USP10: variants seen among roughly 807,000 people sequenced by gnomAD.
The protein encoded by USP10 is ubiquitin carboxyl-terminal hydrolase 10.
Under a neutral mutation model 84.5 loss-of-function variants are expected in USP10, and 22 were observed. That is an observed-to-expected ratio of 0.26 (90% CI 0.19 to 0.37). The LOEUF (loss-of-function observed/expected upper bound fraction) is 0.37, where lower values mean the gene tolerates loss of function less well. Among genes scored for constraint, USP10 ranks in the 10% least tolerant of loss-of-function variants. USP10 has a pLI of 1.00. For missense variants in USP10, 1,019 were observed against 998.9 expected, an observed-to-expected ratio of 1.02 and a Z score of -0.27; for synonymous variants, 454 against 387.6, an observed-to-expected ratio of 1.17 and a Z score of -2.01.
intron 4 of USP10, among the ~76,000 whole-genome samples, chr16:84,757,402 G>GT (rs1555546471): frequency 0.02 from 1,636 of 82,770 alleles, 18 homozygotes; most frequent in South Asian, 0.079. Flanking sequence ...GAGGGGTGGG[G>GT]GTGTGTGTGT....
chr16:84,777,462 A>C (rs571578874), intron 13 of USP10, among the ~76,000 whole-genome samples: 41 of 152,322 alleles, frequency 2.7e-4, no homozygotes, highest in African/African-American at 9.1e-4. Context: ...TGCTGCTGTC[A>C]TGGGTGCTTC....
At position 84,757,399 on chromosome 16, in the gene USP10, GGGGGTGTGTGTGTGTGTGTGTGT is replaced by G. The variant is rs1912692959; in HGVS notation, c.1193-1315_1193-1293del. Among the ~76,000 whole-genome samples the G allele has an allele frequency of 4.3e-5, 3 of 70,436 alleles. 1 individual carries two copies. The highest frequency in any genetic ancestry group is 2.4e-4 in the Admixed American group (2 of 8,248). The allele number at this position is 70,436 out of a possible 152,430, so 46.2% of individuals were successfully genotyped here. A position where few individuals can be genotyped will look rare whatever the true frequency, so the allele number is the denominator to read the frequency against. On this transcript the variant is annotated intron_variant, in intron 4 of 13. Transcript: ENST00000219473. ...ATAGGAAGGAGGGAATGAGAGGGGT[GGGGGTGTGTGTGTGTGTGTGTGT>G]GTGTGTGTGTGTGTGTGTGTGTGTT...
Position 84,768,282 on chromosome 16 carries a change from G to A in USP10, c.1922G>A (p.Arg641His), listed in dbSNP as rs926340608. ...TTGGATATCCAGTCAGACAAGATACGCACAGTCCAGGATGCACTGGAGAGC... is the reference window on the plus strand; with the variant it reads ...TTGGATATCCAGTCAGACAAGATACACACAGTCCAGGATGCACTGGAGAGC... ...LQLDIQSDKIRTVQDALESLV... is the reference protein window; with the variant it reads ...LQLDIQSDKIHTVQDALESLV... Residue 641 changes from arginine (R) to histidine (H), a missense_variant, in exon 11 of 14, where the codon CGC (arginine) becomes CAC (histidine). By Grantham distance (29) the Arg-to-His change is conservative. Transcript: ENST00000219473. 4 of 1,608,014 alleles carry A rather than the reference G, an allele frequency of 2.5e-6. No homozygotes were observed. The highest frequency in any genetic ancestry group is 1.7e-5 in the Admixed American group (1 of 59,098).
chr16:84,733,295 G>T, intron 1 of USP10, 140 bp from the exon 2 acceptor site: 1 of 653,970 alleles, frequency 1.5e-6, no homozygotes, highest in South Asian at 1.9e-5. Context: ...CTGAGTTGCA[G>T]ATCCTCTGTT....
chr16:84,762,931 C>A, intron 8 of USP10, 58 bp from the exon 9 acceptor site: 1 of 1,083,828 alleles, frequency 9.2e-7, no homozygotes, highest in Non-Finnish European at 1.4e-6. Flanking sequence ...ACTGCATGTC[C>A]TGCAGGCCTT....
chr16:84,739,324 T>G (rs969986386), intron 2 of USP10, among the ~76,000 whole-genome samples: 4 of 151,954 alleles, frequency 2.6e-5, no homozygotes, highest in Non-Finnish European at 5.9e-5. Flanking sequence ...CAGGCTGGAG[T>G]GCAGTGGCGC....
At chr16:84,713,890 G>GT (rs935893370) in intron 1 of USP10, among the ~76,000 whole-genome samples, 1 of 152,254 alleles carries the variant, frequency 6.6e-6, no homozygotes, top group Non-Finnish European at 1.5e-5. Flanking sequence ...AAGACCTGGC[G>GT]TGTGCCGTGT....
At chr16:84,724,034 A>T (rs150284160) in intron 1 of USP10, among the ~76,000 whole-genome samples, 171 of 152,344 alleles carry the variant, frequency 1.1e-3, no homozygotes, top group African/African-American at 4.0e-3. Context: ...AACTTCTACT[A>T]GGGCTATCCC....
At position 84,763,018 on chromosome 16, in the gene USP10, A is replaced by G; in HGVS notation, c.1584A>G (p.Leu528=). Residue 528 remains leucine, a synonymous_variant, in exon 9 of 14, where the codon TTA becomes TTG. Transcript: ENST00000219473. ...KGRQEDAEEY[L]GFILNGLHEE... ...GACAAGAAGATGCTGAGGAATACTT[A>G]GGCTTCATTCTAAATGGACTTCATG... 1.2e-6 allele frequency: 2 copies of G among 1,612,508 alleles called. No individual in the cohort carries two copies. The highest frequency in any genetic ancestry group is 1.7e-6 in the Non-Finnish European group (2 of 1,178,840).
chr16:84,709,786 A>G (rs1422424279), intron 1 of USP10, among the ~76,000 whole-genome samples: 2 of 152,200 alleles, frequency 1.3e-5, no homozygotes, highest in Non-Finnish European at 2.9e-5. Context: ...AAGCACACGG[A>G]CAAGGGCATG....
At chr16:84,770,409 T>G (rs192521184) in intron 11 of USP10, among the ~76,000 whole-genome samples, 4 of 152,298 alleles carry the variant, frequency 2.6e-5, no homozygotes, top group African/African-American at 9.6e-5. Context: ...GTGAAGGTTT[T>G]GGGGAAAATA....
At chr16:84,700,980 C>T (rs1904795720) in intron 1 of USP10, among the ~76,000 whole-genome samples, 1 of 152,010 alleles carries the variant, frequency 6.6e-6, no homozygotes, top group Non-Finnish European at 1.5e-5. Flanking sequence ...GTCAGCCTTG[C>T]TTTAGACTGC....
chr16:84,761,078 T>C (rs1411711846), intron 8 of USP10, among the ~76,000 whole-genome samples: 1 of 152,156 alleles, frequency 6.6e-6, no homozygotes, highest in East Asian at 1.9e-4. Context: ...GCTTTTGGTA[T>C]TGGCTTGGAA....
At chr16:84,741,819 G>T (rs80122916) in intron 3 of USP10, among the ~76,000 whole-genome samples, 6,869 of 152,244 alleles carry the variant, frequency 0.045, 208 homozygotes, top group South Asian at 0.071. Context: ...TACAGAGCCT[G>T]TGGGCACTGT....
At chr16:84,733,801 T>C (rs1439397390) in intron 2 of USP10, among the ~76,000 whole-genome samples, 1 of 152,352 alleles carries the variant, frequency 6.6e-6, no homozygotes, top group South Asian at 2.1e-4. Context: ...TTGGGAAATA[T>C]TGGTCCTGAC....
intron 1 of USP10, among the ~76,000 whole-genome samples, chr16:84,728,230 C>G (rs1327547871): frequency 1.3e-5 from 2 of 152,158 alleles, no homozygotes; most frequent in Non-Finnish European, 2.9e-5. Context: ...ACAAACATGC[C>G]TTGCTTCAAC....
In USP10 at chr16:84,744,657, T is replaced by A. The variant is rs781562254; in HGVS notation, c.176T>A (p.Phe59Tyr). The change falls in exon 4 of 14, where the codon TTT becomes TAT. Residue 59 changes from phenylalanine (F) to tyrosine (Y), a missense_variant. By Grantham distance (22) the Phe-to-Tyr change is conservative. Transcript: ENST00000219473. ...GGACAAGAATATCAGAGAATTGAGT[T>A]TGGTGTCGATGAAGTCATTGAACCC... is the stretch of plus-strand genomic sequence containing the variant. Reference protein sequence around the residue: ...PDGQEYQRIEFGVDEVIEPSD... With the variant: ...PDGQEYQRIEYGVDEVIEPSD... 20 of 1,610,842 alleles carry A rather than the reference T, an allele frequency of 1.2e-5. No homozygotes were observed. In the Admixed American group the frequency reaches 3.4e-4, roughly 27 times the overall value.
At chr16:84,723,509 C>A (rs1908078448) in intron 1 of USP10, among the ~76,000 whole-genome samples, 1 of 152,140 alleles carries the variant, frequency 6.6e-6, no homozygotes, top group African/African-American at 2.4e-5. Flanking sequence ...CCACTGACGC[C>A]TGGGAAGTCA....
chr16:84,707,538 G>T (rs1332144778), intron 1 of USP10, among the ~76,000 whole-genome samples: 2 of 152,122 alleles, frequency 1.3e-5, no homozygotes, highest in Admixed American at 1.3e-4. Context: ...TGTTGTTGTT[G>T]TTCCGTTGTT....
Sources: allele counts gnomAD v4.1 joint callset (sites outside exome capture counted in the v4.1 genomes callset), GRCh38; gene constraint gnomAD v4.1.1; transcripts MANE v1.5; gene names NCBI Gene and HGNC (gene_info 2026-07-23, HGNC 2026-07-21).